The following GARNL3 variants were observed in gnomAD, a reference collection of about 807,000 sequenced individuals.
GARNL3 encodes the protein GTPase-activating Rap/Ran-GAP domain-like protein 3.
A neutral mutation model predicts 125.0 loss-of-function variants in GARNL3; 63 were observed. The observed-to-expected ratio is 0.50, with a 90% CI of 0.41 to 0.62. GARNL3 has a LOEUF of 0.62. Among genes scored for constraint, GARNL3 ranks in the 20% least tolerant of loss-of-function variants. The pLI, the probability that GARNL3 is intolerant of heterozygous loss-of-function variation, is 0.00. For synonymous variants in GARNL3, 439 were observed against 457.5 expected (o/e 0.96, Z 0.52); for missense variants, 994 against 1,244.0 (o/e 0.80, Z 3.02).
At chr9:127,349,466 A>G (rs1830314961) in intron 17 of GARNL3, among the ~76,000 whole-genome samples, 1 of 152,256 alleles carries the variant, frequency 6.6e-6, no homozygotes, top group Non-Finnish European at 1.5e-5. Flanking sequence ...AAAACAAACA[A>G]TAAGAATCTT....
intron 1 of GARNL3, among the ~76,000 whole-genome samples, chr9:127,283,811 G>GTTGT (rs993915211): frequency 3.3e-5 from 5 of 152,172 alleles, no homozygotes; most frequent in Non-Finnish European, 5.9e-5. Flanking sequence ...TGTTGTTGTT[G>GTTGT]TTGTTTGTTT....
chr9:127,327,147 C>G (rs1037467813), intron 7 of GARNL3, among the ~76,000 whole-genome samples: 2 of 152,172 alleles, frequency 1.3e-5, no homozygotes, highest in African/African-American at 4.8e-5. Context: ...TTCATTCATT[C>G]ATTGATTCAA....
chr9:127,364,544 G>T lies in GARNL3; in HGVS notation c.2095-756G>T, dbSNP rs940219428. 2.0e-5 allele frequency: 3 copies of T among 152,284 alleles called. No homozygotes were observed. Among genetic ancestry groups the T allele is most frequent in the Non-Finnish European group, 4.4e-5 (3 of 68,150 alleles). The allele number at this position is 152,284 out of a possible 1,614,324, so 9.4% of individuals were successfully genotyped here. On this transcript the variant is annotated intron_variant, in intron 21 of 27. Transcript: ENST00000373387. This position sits in a 1 kb window ranked among gnomAD's most constrained non-coding sequence, Gnocchi z 4.2. ...GGGCTGGAGTTTTGAAAATCAAGAA[G>T]GACCAAGGACACCATCAGGTTGAGT...
intron 1 of GARNL3, among the ~76,000 whole-genome samples, chr9:127,281,251 T>C (rs1040203106): frequency 1.3e-5 from 2 of 152,120 alleles, no homozygotes; most frequent in Admixed American, 1.3e-4. Flanking sequence ...CTGTTGGAGT[T>C]AGGAATGGAT....
chr9:127,344,741 C>T (rs1249840351), intron 15 of GARNL3, among the ~76,000 whole-genome samples: 1 of 152,214 alleles, frequency 6.6e-6, no homozygotes, highest in African/African-American at 2.4e-5. Context: ...TCACAGAAGA[C>T]TTGAATTACC....
At chr9:127,350,542 A>T (rs1366835312) in intron 17 of GARNL3, among the ~76,000 whole-genome samples, 2 of 152,090 alleles carry the variant, frequency 1.3e-5, no homozygotes, top group Non-Finnish European at 2.9e-5. Flanking sequence ...TGGGAGGCTG[A>T]GGTGAGCGGA....
intron 1 of GARNL3, among the ~76,000 whole-genome samples, chr9:127,265,734 T>A (rs953291862): frequency 6.6e-6 from 1 of 152,232 alleles, no homozygotes; most frequent in Non-Finnish European, 1.5e-5. Flanking sequence ...TGATTATTAT[T>A]TAACACTGTT....
At chr9:127,238,492 A>G (rs1043977820) in intron 1 of GARNL3, among the ~76,000 whole-genome samples, 4 of 152,186 alleles carry the variant, frequency 2.6e-5, no homozygotes, top group African/African-American at 9.7e-5. Context: ...GGAGGGGAAA[A>G]CTGTAAACTG....
chr9:127,245,095 CG>C (rs1020551991), intron 2 of GARNL3, among the ~76,000 whole-genome samples: 1 of 151,924 alleles, frequency 6.6e-6, no homozygotes, highest in Non-Finnish European at 1.5e-5. Flanking sequence ...GTGTCCGGGG[CG>C]GGGGGTTGGA....
intron 6 of GARNL3, among the ~76,000 whole-genome samples, chr9:127,324,140 A>G (rs951051282): frequency 6.6e-6 from 1 of 152,096 alleles, no homozygotes; most frequent in African/African-American, 2.4e-5. Flanking sequence ...AGTCCCAGCT[A>G]CTTGGGAAGC....
intron 2 of GARNL3, among the ~76,000 whole-genome samples, chr9:127,252,950 C>T (rs1484612185): frequency 6.6e-6 from 1 of 152,184 alleles, no homozygotes; most frequent in African/African-American, 2.4e-5. Flanking sequence ...ACAATCTATT[C>T]ATTATGATTG....
At chr9:127,277,935 A>ATTATGGTGCTTTTG in intron 1 of GARNL3, among the ~76,000 whole-genome samples, 1 of 152,242 alleles carries the variant, frequency 6.6e-6, no homozygotes, top group South Asian at 2.1e-4. Context: ...GTAGGCAGAG[A>ATTATGGTGCTTTTG]TTATGGTGCT....
At chr9:127,240,019 G>A (rs1221049939) in intron 1 of GARNL3, among the ~76,000 whole-genome samples, 4 of 152,186 alleles carry the variant, frequency 2.6e-5, no homozygotes, top group African/African-American at 9.7e-5. Flanking sequence ...TGTAAACAAT[G>A]TATTCTGTAA....
intron 6 of GARNL3, 127 bp from the exon 7 acceptor site, chr9:127,324,942 A>G: frequency 3.1e-6 from 3 of 977,196 alleles, no homozygotes; most frequent in Non-Finnish European, 4.7e-6. Context: ...CAAAGCTCCT[A>G]TAACCAACTT....
At chr9:127,269,100 G>A (rs1026793515) in intron 1 of GARNL3, among the ~76,000 whole-genome samples, 2 of 152,162 alleles carry the variant, frequency 1.3e-5, no homozygotes, top group African/African-American at 4.8e-5. Context: ...CTGGGCTCAA[G>A]TAATCCTCCT....
intron 21 of GARNL3, among the ~76,000 whole-genome samples, chr9:127,361,522 A>G (rs1830998691): frequency 6.6e-6 from 1 of 152,222 alleles, no homozygotes; most frequent in Admixed American, 6.5e-5. Flanking sequence ...CCCTGTCCCA[A>G]GGTGGAGACA....
intron 2 of GARNL3, among the ~76,000 whole-genome samples, 163 bp from the exon 3 acceptor site, chr9:127,311,473 G>C (rs2065097352): frequency 6.6e-6 from 1 of 152,192 alleles, no homozygotes; most frequent in Non-Finnish European, 1.5e-5. Flanking sequence ...TCCACGATGT[G>C]AATTTAGACT....
intron 17 of GARNL3, among the ~76,000 whole-genome samples, chr9:127,350,822 CA>C: frequency 6.6e-6 from 1 of 150,680 alleles, no homozygotes; most frequent in South Asian, 2.1e-4. Flanking sequence ...AAAAGTGAAA[CA>C]ACAACAACAA....
chr9:127,360,970 A>C (rs62579675), intron 21 of GARNL3, among the ~76,000 whole-genome samples: 1 of 152,030 alleles, frequency 6.6e-6, no homozygotes, highest in African/African-American at 2.4e-5. Flanking sequence ...CACTGACCTC[A>C]TTCCCAAAAC....
Sources: gnomAD v4.1 joint callset for allele counts (sites outside exome capture counted in the v4.1 genomes callset) on GRCh38, gnomAD v4.1.1 for gene constraint, Gnocchi (gnomAD v3.1) non-coding constraint, MANE v1.5 for transcripts, NCBI Gene and HGNC (gene_info 2026-07-23, HGNC 2026-07-21) for gene names.